MCU: variants seen among roughly 807,000 people sequenced by gnomAD.
MCU encodes calcium uniporter protein, mitochondrial.
A neutral mutation model predicts 45.2 loss-of-function variants in MCU; 12 were observed. The observed-to-expected ratio is 0.27, with a 90% CI of 0.17 to 0.43. MCU has a LOEUF of 0.43. Among genes scored for constraint, MCU ranks in the 20% least tolerant of loss-of-function variants. The pLI is 1.00. For synonymous variants in MCU, 160 were observed against 165.1 expected, an observed-to-expected ratio of 0.97 and a Z score of 0.24; for missense variants, 324 against 436.7, an observed-to-expected ratio of 0.74 and a Z score of 2.30.
At chr10:72,869,465 A>G (rs1440219976) in intron 5 of MCU, among the ~76,000 whole-genome samples, 10 of 152,182 alleles carry the variant, frequency 6.6e-5, no homozygotes, top group African/African-American at 2.4e-5. Context: ...TCATGTGCCT[A>G]TAGTCCCAGC....
intron 1 of MCU, among the ~76,000 whole-genome samples, chr10:72,792,367 T>C (rs186629362): frequency 6.6e-6 from 1 of 152,278 alleles, no homozygotes; most frequent in Admixed American, 6.5e-5. Context: ...CTTTTCCGAT[T>C]TGTGCTTAAG....
chr10:72,882,380 G>C (rs1010829189), intron 6 of MCU, among the ~76,000 whole-genome samples: 5 of 152,242 alleles, frequency 3.3e-5, no homozygotes, highest in African/African-American at 1.2e-4. Context: ...AGGTGGAACA[G>C]AGCCATATTT....
chr10:72,860,025 A>G (rs975527235), intron 3 of MCU: 1 of 171,146 alleles, frequency 5.8e-6, no homozygotes, highest in African/African-American at 2.4e-5. Context: ...GTCTATCTCT[A>G]CTGAATTATT....
chr10:72,756,372 A>G (rs1438901761), intron 1 of MCU: 1 of 152,080 alleles, frequency 6.6e-6, no homozygotes, highest in Non-Finnish European at 1.5e-5. Flanking sequence ...TTATCAATCT[A>G]TGTTTGGATT....
chr10:72,840,279 T>C (rs1484444979), intron 2 of MCU, among the ~76,000 whole-genome samples: 8 of 152,210 alleles, frequency 5.3e-5, no homozygotes, highest in African/African-American at 1.9e-4. Flanking sequence ...ATTTCACTGA[T>C]AATTAATGAT....
At chr10:72,743,357 GA>G (rs1016538411) in intron 1 of MCU, among the ~76,000 whole-genome samples, 1 of 140,790 alleles carries the variant, frequency 7.1e-6, no homozygotes, top group African/African-American at 2.6e-5. Context: ...AGGCTGCAGT[GA>G]GCCGATATTG....
chr10:72,785,199 C>T (rs1426484023), intron 1 of MCU, among the ~76,000 whole-genome samples: 1 of 152,210 alleles, frequency 6.6e-6, no homozygotes, highest in Non-Finnish European at 1.5e-5. Flanking sequence ...CCTGGCAGTG[C>T]TACTGCCGTC....
At chr10:72,800,062 C>T (rs917293638) in intron 1 of MCU, among the ~76,000 whole-genome samples, 4 of 152,182 alleles carry the variant, frequency 2.6e-5, no homozygotes, top group African/African-American at 9.7e-5. Context: ...ACATTTCACA[C>T]CTGACCTCAT....
At chr10:72,741,169 G>A (rs980246493) in intron 1 of MCU, among the ~76,000 whole-genome samples, 7 of 148,768 alleles carry the variant, frequency 4.7e-5, no homozygotes, top group Non-Finnish European at 1.0e-4. Flanking sequence ...GCACGATCTC[G>A]GCCTACTTCA....
chr10:72,730,471 T>A (rs1333447530), intron 1 of MCU: 1 of 152,082 alleles, frequency 6.6e-6, no homozygotes, highest in Non-Finnish European at 1.5e-5. Flanking sequence ...ATATTTTTAG[T>A]AGAGACGGGG....
intron 1 of MCU, among the ~76,000 whole-genome samples, chr10:72,698,207 T>C (rs905456120): frequency 4.6e-5 from 7 of 152,228 alleles, no homozygotes; most frequent in South Asian, 2.1e-4. Context: ...GTAATTCTTT[T>C]CTTTAACATG....
rs747545765 is a variant in MCU, at chr10:72,885,802, C to G, written c.1036C>G (p.Gln346Glu). The change falls in exon 8 of 8, where the codon CAA becomes GAA. Residue 346 changes from glutamine (Q) to glutamate (E), a missense_variant. Around this residue, in one of 4 missense-constraint regions of MCU, gnomAD observed 76 missense variants for 99.4 expected, o/e 0.76. Transcript: ENST00000373053. Reference protein sequence around the residue: ...DPLQVHLPLRQIGEKD With the variant: ...DPLQVHLPLREIGEKD ...ATTACAAGTACATCTGCCTCTCCGA[C>G]AAATTGGTGAAAAAGATTGATCTGC... 1 of 1,613,592 alleles carries G rather than the reference C, an allele frequency of 6.2e-7. No individual in the cohort carries two copies. Among genetic ancestry groups the G allele is most frequent in the East Asian group, 2.2e-5 (1 of 44,872 alleles).
At chr10:72,879,106 A>G (rs1026424687) in intron 6 of MCU, among the ~76,000 whole-genome samples, 2 of 152,162 alleles carry the variant, frequency 1.3e-5, no homozygotes, top group African/African-American at 4.8e-5. Flanking sequence ...TCTACTAAGA[A>G]TACAAAAATT....
chr10:72,722,935 G>C (rs1843043825), intron 1 of MCU, among the ~76,000 whole-genome samples: 1 of 152,084 alleles, frequency 6.6e-6, no homozygotes, highest in Non-Finnish European at 1.5e-5. Flanking sequence ...GGTGGCTCAC[G>C]CCTGTAATCC....
chr10:72,707,669 A>T (rs1842841503), intron 1 of MCU, among the ~76,000 whole-genome samples: 1 of 147,336 alleles, frequency 6.8e-6, no homozygotes, highest in African/African-American at 2.6e-5. Context: ...AACAAAAGTA[A>T]TTGAAGAGAA....
At chr10:72,843,907 T>TATTTTACATATTTAA (rs1845082616) in intron 2 of MCU, among the ~76,000 whole-genome samples, 1 of 152,228 alleles carries the variant, frequency 6.6e-6, no homozygotes, top group Non-Finnish European at 1.5e-5. Context: ...TATTTAAGTA[T>TATTTTACATATTTAA]ATTTTTCTGA....
chr10:72,710,214 G>A (rs1293713183), intron 1 of MCU, among the ~76,000 whole-genome samples: 1 of 152,156 alleles, frequency 6.6e-6, no homozygotes, highest in East Asian at 1.9e-4. Flanking sequence ...CTGACCTCGT[G>A]ATCTGCCCCC....
rs923050628 is a variant in MCU, at chr10:72,795,044, G to C, written c.151-39315G>C. On this transcript the variant is annotated intron_variant, in intron 1 of 7. Coordinates refer to ENST00000373053, the MANE Select transcript of MCU (RefSeq NM_138357.3). Reference sequence around the variant, plus strand: ...TTTTCTTAAAATTTTCCTTGAAAATGAGTTTTTAAAATTTATACCACCTCT... The same window carrying C: ...TTTTCTTAAAATTTTCCTTGAAAATCAGTTTTTAAAATTTATACCACCTCT... Among the ~76,000 whole-genome samples the C allele has an allele frequency of 3.3e-5, 5 of 152,208 alleles. No homozygotes were observed. In the South Asian group the frequency reaches 1.0e-3, roughly 32 times the overall value.
chr10:72,876,267 C>T (rs1244174701), intron 6 of MCU, among the ~76,000 whole-genome samples: 1 of 152,156 alleles, frequency 6.6e-6, no homozygotes, highest in Non-Finnish European at 1.5e-5. Context: ...TATTCACTCA[C>T]TCACTCCTTT....
Sources: gnomAD v4.1 joint callset for allele counts (sites outside exome capture counted in the v4.1 genomes callset) on GRCh38, gnomAD v4.1.1 for gene constraint, gnomAD v4.1.1 regional missense constraint, MANE v1.5 for transcripts, NCBI Gene and HGNC (gene_info 2026-07-23, HGNC 2026-07-21) for gene names.